NOL4: variants seen among roughly 807,000 people sequenced by gnomAD.
NOL4 encodes nucleolar protein 4.
Under a neutral mutation model 75.9 loss-of-function variants are expected in NOL4, and 17 were observed. That is an observed-to-expected ratio of 0.22 (90% CI 0.15 to 0.34). The LOEUF (loss-of-function observed/expected upper bound fraction) is 0.34. Among genes scored for constraint, NOL4 ranks in the 10% least tolerant of loss-of-function variants. The probability of loss-of-function intolerance (pLI) is 1.00; values close to 1 mark genes in which losing one functional copy is unlikely to be tolerated. For synonymous variants in NOL4, 292 were observed against 289.9 expected (o/e 1.01, Z -0.07); for missense variants, 614 against 793.5 (o/e 0.77, Z 2.72).
chr18:34,124,228 TA>T (rs2080281319), intron 2 of NOL4, among the ~76,000 whole-genome samples: 1 of 152,188 alleles, frequency 6.6e-6, no homozygotes, highest in South Asian at 2.1e-4. Context: ...GAGATTTTCT[TA>T]GCCCCTCTGC....
At chr18:34,020,536 T>C (rs577340334) in intron 5 of NOL4, among the ~76,000 whole-genome samples, 1 of 152,204 alleles carries the variant, frequency 6.6e-6, no homozygotes, top group African/African-American at 2.4e-5. Flanking sequence ...ATTGTGTGTA[T>C]CTCTTTGTAG....
At chr18:33,909,891 TG>T (rs1036810347) in intron 9 of NOL4, among the ~76,000 whole-genome samples, 2 of 152,096 alleles carry the variant, frequency 1.3e-5, no homozygotes, top group Non-Finnish European at 2.9e-5. Flanking sequence ...AAATGGGTGA[TG>T]TAAACTAATG....
At chr18:33,955,763 A>G (rs73955090) in intron 8 of NOL4, among the ~76,000 whole-genome samples, 272 of 152,272 alleles carry the variant, frequency 1.8e-3, no homozygotes, top group African/African-American at 6.2e-3. Context: ...GTAAACAATG[A>G]CCTTGACAAT....
intron 1 of NOL4, 84 bp from the exon 2 acceptor site, chr18:34,130,104 G>A: frequency 1.5e-6 from 2 of 1,293,380 alleles, no homozygotes; most frequent in Non-Finnish European, 2.0e-6. Flanking sequence ...AAAACAAAAT[G>A]TTTTTATAAC....
chr18:33,974,049 G>C (rs1409775707), intron 6 of NOL4, among the ~76,000 whole-genome samples: 1 of 152,098 alleles, frequency 6.6e-6, no homozygotes, highest in Non-Finnish European at 1.5e-5. Context: ...CTAATAAAAG[G>C]CTATCTTGTC....
At chr18:33,896,701 T>C (rs1033650459) in intron 9 of NOL4, among the ~76,000 whole-genome samples, 1 of 152,118 alleles carries the variant, frequency 6.6e-6, no homozygotes, top group Non-Finnish European at 1.5e-5. Context: ...ATCCTGGACA[T>C]ATGAATAGAC....
chr18:33,984,200 T>A (rs1412395975), intron 6 of NOL4, among the ~76,000 whole-genome samples: 1 of 152,072 alleles, frequency 6.6e-6, no homozygotes, highest in Non-Finnish European at 1.5e-5. Flanking sequence ...CTCAATACAT[T>A]CATAGTACAC....
chr18:33,852,361 T>C lies in NOL4; in HGVS notation c.*481A>G, dbSNP rs2062661259. 1 of 152,194 alleles carries C rather than the reference T, an allele frequency of 6.6e-6. No individual in the cohort carries two copies. Among genetic ancestry groups the C allele is most frequent in the African/African-American group, 2.4e-5 (1 of 41,358 alleles). 9.4% of individuals were successfully genotyped at this position (152,194 alleles called of 1,614,324 possible). On this transcript the variant is annotated 3_prime_UTR_variant, in exon 11 of 11. Coordinates refer to ENST00000261592, the MANE Select transcript of NOL4 (RefSeq NM_003787.5). ...AAGTTTTCTTTTTATAAAAATTACA[T>C]ATTTTTTTAAAATACGAGATCCTTT...
intron 10 of NOL4, among the ~76,000 whole-genome samples, chr18:33,879,410 A>T (rs1223603165): frequency 2.0e-5 from 3 of 152,036 alleles, no homozygotes; most frequent in Admixed American, 6.6e-5. Flanking sequence ...GGTGGCTTAC[A>T]CCTGTAAACC....
chr18:34,117,902 A>G (rs1280521541), intron 2 of NOL4, among the ~76,000 whole-genome samples: 1 of 152,226 alleles, frequency 6.6e-6, no homozygotes, highest in Non-Finnish European at 1.5e-5. Context: ...AGTAGTAACA[A>G]TCACTTTATA....
chr18:34,142,623 T>C (rs1294522578), intron 1 of NOL4, among the ~76,000 whole-genome samples: 1 of 152,008 alleles, frequency 6.6e-6, no homozygotes, highest in African/African-American at 2.4e-5. Context: ...TAGATGGGAA[T>C]TGAACAATGA....
At chr18:33,954,264 C>T (rs758592423) in intron 8 of NOL4, among the ~76,000 whole-genome samples, 8 of 152,072 alleles carry the variant, frequency 5.3e-5, no homozygotes, top group Non-Finnish European at 1.0e-4. Flanking sequence ...TATACGTGTT[C>T]AATACAGGCA....
At chr18:34,009,986 C>A (rs934958234) in intron 6 of NOL4, among the ~76,000 whole-genome samples, 1 of 151,734 alleles carries the variant, frequency 6.6e-6, no homozygotes, top group Admixed American at 6.6e-5. Context: ...ACTCAATATA[C>A]ACTTTCATTT....
intron 5 of NOL4, among the ~76,000 whole-genome samples, chr18:34,034,670 G>T (rs545378659): frequency 6.6e-6 from 1 of 152,052 alleles, no homozygotes; most frequent in Non-Finnish European, 1.5e-5. Flanking sequence ...ACTTCGGGAG[G>T]TGGAGGTCAC....
At chr18:34,172,949 T>C (rs1487828442) in intron 1 of NOL4, among the ~76,000 whole-genome samples, 1 of 152,092 alleles carries the variant, frequency 6.6e-6, no homozygotes, top group African/African-American at 2.4e-5. Context: ...TCTCATTCCA[T>C]AGGCTGTCTT....
chr18:34,208,590 C>G (rs1009415037), intron 1 of NOL4, among the ~76,000 whole-genome samples: 5 of 152,142 alleles, frequency 3.3e-5, no homozygotes, highest in African/African-American at 1.2e-4. Flanking sequence ...GTGGCTCACA[C>G]CTGTAATCCT....
At chr18:33,913,745 A>G (rs191980043) in intron 9 of NOL4, among the ~76,000 whole-genome samples, 1 of 152,112 alleles carries the variant, frequency 6.6e-6, no homozygotes, top group Admixed American at 6.6e-5. Flanking sequence ...AGAATTCACT[A>G]CTCTGCCATA....
At chr18:34,159,203 C>A (rs938338196) in intron 1 of NOL4, among the ~76,000 whole-genome samples, 1 of 152,196 alleles carries the variant, frequency 6.6e-6, no homozygotes, top group African/African-American at 2.4e-5. Context: ...CTCGCCTCCC[C>A]CGACCTGCAG....
chr18:33,857,586 G>C (rs1752504291), intron 10 of NOL4, among the ~76,000 whole-genome samples: 1 of 151,888 alleles, frequency 6.6e-6, no homozygotes, highest in Admixed American at 6.6e-5. Flanking sequence ...TATTAGCCCT[G>C]ATCTGGAAAA....
Sources: gnomAD v4.1 joint callset for allele counts (sites outside exome capture counted in the v4.1 genomes callset) on GRCh38, gnomAD v4.1.1 for gene constraint, MANE v1.5 for transcripts, NCBI Gene and HGNC (gene_info 2026-07-23, HGNC 2026-07-21) for gene names.